SEMA3C: variants seen among roughly 807,000 people sequenced by gnomAD.
SEMA3C encodes the protein semaphorin-3C.
SEMA3C carries 47 observed loss-of-function variants against 89.4 expected under a neutral mutation model. The ratio of observed to expected loss-of-function variants is 0.53; its 90% confidence interval spans 0.42 to 0.67. The LOEUF (loss-of-function observed/expected upper bound fraction) is 0.67, where lower values mean the gene tolerates loss of function less well. Ranked by LOEUF, SEMA3C falls within the 30% of genes least tolerant of loss-of-function variation. The pLI is 0.00. For missense variants in SEMA3C, 839 were observed against 929.1 expected, an observed-to-expected ratio of 0.90 and a Z score of 1.26; for synonymous variants, 310 against 320.2, an observed-to-expected ratio of 0.97 and a Z score of 0.34.
At chr7:80,842,173 A>G (rs1319203599) in intron 2 of SEMA3C, among the ~76,000 whole-genome samples, 1 of 152,168 alleles carries the variant, frequency 6.6e-6, no homozygotes, top group Non-Finnish European at 1.5e-5. Context: ...CAAGAGAAGC[A>G]CAAAGGATGC....
intron 2 of SEMA3C, among the ~76,000 whole-genome samples, chr7:80,850,833 T>C (rs1173990537): frequency 6.6e-6 from 1 of 152,158 alleles, no homozygotes. Flanking sequence ...TGTATATTAG[T>C]TTTCTGTGAT....
chr7:80,846,390 T>G (rs1392680233), intron 2 of SEMA3C, among the ~76,000 whole-genome samples: 15 of 152,200 alleles, frequency 9.9e-5, no homozygotes. Flanking sequence ...AAGGTCTCAC[T>G]CTGTCACCCA....
chr7:80,766,997 C>T (rs1788319445), intron 12 of SEMA3C, among the ~76,000 whole-genome samples: 1 of 152,174 alleles, frequency 6.6e-6, no homozygotes, highest in Non-Finnish European at 1.5e-5. Context: ...AGAAGGAGTC[C>T]AAGACCCCAG....
intron 2 of SEMA3C, among the ~76,000 whole-genome samples, chr7:80,884,202 AC>A (rs1358394824): frequency 6.6e-6 from 1 of 152,208 alleles, no homozygotes; most frequent in Non-Finnish European, 1.5e-5. Flanking sequence ...CATACAATCA[AC>A]TTGTTTCTCC....
chr7:80,797,317 A>G (rs543202878), intron 11 of SEMA3C, among the ~76,000 whole-genome samples: 1 of 152,268 alleles, frequency 6.6e-6, no homozygotes, highest in South Asian at 2.1e-4. Flanking sequence ...GACTGTTATC[A>G]ATGGACCCTT....
intron 2 of SEMA3C, among the ~76,000 whole-genome samples, chr7:80,870,219 T>G (rs1184230126): frequency 1.3e-5 from 2 of 152,194 alleles, no homozygotes; most frequent in African/African-American, 4.8e-5. Context: ...TTGCCCCACC[T>G]GAGTGGGAAG....
At chr7:80,765,414 T>C (rs568419581) in intron 12 of SEMA3C, among the ~76,000 whole-genome samples, 171 bp from the exon 13 acceptor site, 18 of 152,228 alleles carry the variant, frequency 1.2e-4, no homozygotes, top group Non-Finnish European at 2.5e-4. Flanking sequence ...CTCATAAAAA[T>C]TGAAACACAT....
chr7:80,839,206 A>G (rs1015154530), intron 2 of SEMA3C, among the ~76,000 whole-genome samples: 2 of 152,186 alleles, frequency 1.3e-5, no homozygotes, highest in African/African-American at 4.8e-5. Flanking sequence ...CAGATGAGCT[A>G]TCAGTATCAA....
chr7:80,897,805 T>A (rs929082104), intron 2 of SEMA3C, among the ~76,000 whole-genome samples: 2 of 152,216 alleles, frequency 1.3e-5, no homozygotes, highest in Non-Finnish European at 2.9e-5. Context: ...TATTGTTTAC[T>A]TTGTTGTGAA....
chr7:80,874,207 T>C (rs1283320607), intron 2 of SEMA3C, among the ~76,000 whole-genome samples: 1 of 152,146 alleles, frequency 6.6e-6, no homozygotes, highest in Non-Finnish European at 1.5e-5. Flanking sequence ...TCTCCTAGAA[T>C]TGACTGCTCC....
intron 5 of SEMA3C, 25 bp downstream of exon 5, chr7:80,818,274 A>G: frequency 1.3e-6 from 2 of 1,553,028 alleles, no homozygotes; most frequent in Non-Finnish European, 1.8e-6. Flanking sequence ...TATCAAAACT[A>G]AGAATGTTAA....
intron 5 of SEMA3C, among the ~76,000 whole-genome samples, chr7:80,813,983 T>A (rs561701505): frequency 3.0e-4 from 46 of 152,346 alleles, no homozygotes; most frequent in African/African-American, 1.1e-3. Flanking sequence ...GCGCTTGGAA[T>A]AGTTGAAAAC....
chr7:80,879,592 T>C (rs1429360915), intron 2 of SEMA3C, among the ~76,000 whole-genome samples: 3 of 152,174 alleles, frequency 2.0e-5, no homozygotes, highest in Non-Finnish European at 4.4e-5. Flanking sequence ...AGCTACTCAT[T>C]TCCCTGAGTT....
intron 2 of SEMA3C, among the ~76,000 whole-genome samples, chr7:80,892,956 T>C (rs1791650668): frequency 6.6e-6 from 1 of 152,206 alleles, no homozygotes; most frequent in South Asian, 2.1e-4. Flanking sequence ...TCTTTCTTCA[T>C]TGATAAAGAT....
At chr7:80,869,543 G>C (rs1791008402) in intron 2 of SEMA3C, among the ~76,000 whole-genome samples, 1 of 152,040 alleles carries the variant, frequency 6.6e-6, no homozygotes, top group African/African-American at 2.4e-5. Flanking sequence ...GAGCCATTCA[G>C]GGTTAATGGG....
At chr7:80,748,240 G>T (rs1393037652) in intron 17 of SEMA3C, among the ~76,000 whole-genome samples, 1 of 151,892 alleles carries the variant, frequency 6.6e-6, no homozygotes, top group Non-Finnish European at 1.5e-5. Flanking sequence ...TTATTTACAA[G>T]GTATCACCCT....
At chr7:80,784,266 A>G (rs1032133034) in intron 12 of SEMA3C, among the ~76,000 whole-genome samples, 1 of 146,408 alleles carries the variant, frequency 6.8e-6, no homozygotes, top group African/African-American at 2.5e-5. Flanking sequence ...GCCCTTCCTC[A>G]AGATTAAAAA....
chr7:80,865,060 CTT>C (rs1790893579), intron 2 of SEMA3C, among the ~76,000 whole-genome samples: 1 of 152,102 alleles, frequency 6.6e-6, no homozygotes, highest in South Asian at 2.1e-4. Context: ...ACTAACCAAT[CTT>C]AATCATTTGT....
chr7:80,890,111 T>A (rs1026495171), intron 2 of SEMA3C, among the ~76,000 whole-genome samples: 1 of 152,194 alleles, frequency 6.6e-6, no homozygotes, highest in African/African-American at 2.4e-5. Context: ...ATTTTGAAAA[T>A]CTGGGCACTT....
Sources: gnomAD v4.1 joint callset for allele counts (sites outside exome capture counted in the v4.1 genomes callset) on GRCh38, gnomAD v4.1.1 for gene constraint, MANE v1.5 for transcripts, NCBI Gene and HGNC (gene_info 2026-07-23, HGNC 2026-07-21) for gene names.